Variants in ACSF3 observed in about 807,000 individuals in gnomAD.
ACSF3 encodes the protein malonate--CoA ligase ACSF3, mitochondrial.
Under a neutral mutation model 53.2 loss-of-function variants are expected in ACSF3, and 78 were observed. The observed-to-expected ratio is 1.47, with a 90% CI of 1.22 to 1.77. ACSF3 has a LOEUF of 1.77. Among genes scored for constraint, ACSF3 ranks in the 40% most tolerant of loss-of-function variants. ACSF3 has a pLI of 0.00. For synonymous variants in ACSF3, 414 were observed against 333.1 expected (o/e 1.24, Z -2.65); for missense variants, 937 against 771.1 (o/e 1.22, Z -2.55).
chr16:89,155,942 T>A lies in ACSF3; in HGVS notation c.*1735T>A. The A allele has an allele frequency of 5.5e-6, 2 of 365,834 alleles. No homozygotes were observed. The highest frequency in any genetic ancestry group is 2.1e-5 in the South Asian group (1 of 47,322). The allele number at this position is 365,834 out of a possible 1,614,324, so 22.7% of individuals were successfully genotyped here. A position where few individuals can be genotyped will look rare whatever the true frequency, so the allele number is the denominator to read the frequency against. On this transcript the variant is annotated 3_prime_UTR_variant, in exon 11 of 11. Coordinates refer to ENST00000614302, the MANE Select transcript of ACSF3 (RefSeq NM_001243279.3). ...AGCCTGGAGCTCATTGACCAGAAAC[T>A]GCAGAGAGCCTGGAGCTCGTTGACC...
rs1255311760 is a variant in ACSF3, at chr16:89,100,778, C to T, written c.97C>T (p.His33Tyr). 3.1e-6 allele frequency: 5 copies of T among 1,610,718 alleles called. No homozygotes were observed. The Admixed American group carries it at 6.7e-5, about 21-fold the overall frequency. ...GAGACACAGAGGAAGTGGTCTTCTG[C>T]ACACAGCCCCAGTGGCCCGCTCGGA... ...PARHRGSGLL[H>Y]TAPVARSDRS... The change falls in exon 3 of 11, where the codon CAC (histidine) becomes TAC (tyrosine). Residue 33 changes from histidine (H) to tyrosine (Y), a missense_variant. Transcript: ENST00000614302.
In ACSF3 at chr16:89,112,226, A is replaced by G. The variant is rs1165098721; in HGVS notation, c.957A>G (p.Ala319=). ...TQPHAQDFLR[A]VCEEKIRLMV... is the part of the protein sequence containing the mutation. ...CGCACGCCCAGGATTTCTTGCGTGC[A>G]GTTTGTGAAGAAAAAATTAGGTAAG... Residue 319 remains alanine (A), a synonymous_variant, in exon 5 of 11, where the codon GCA becomes GCG. Coordinates refer to ENST00000614302, the MANE Select transcript of ACSF3 (RefSeq NM_001243279.3). 1.6e-5 allele frequency: 26 copies of G among 1,614,222 alleles called. No individual in the cohort carries two copies. The highest frequency in any genetic ancestry group is 2.2e-5 in the East Asian group (1 of 44,886).
chr16:89,132,897 C>T lies in ACSF3; in HGVS notation c.1240-239C>T, dbSNP rs549351637. Reference sequence around the variant, plus strand: ...TGTTCTGGGAGGAATGAAAGGACACCCAGCTCCCGGCCAGGGCACCAGGGC... The same window carrying T: ...TGTTCTGGGAGGAATGAAAGGACACTCAGCTCCCGGCCAGGGCACCAGGGC... On this transcript the variant is annotated intron_variant, in intron 7 of 10. Coordinates refer to ENST00000614302, the MANE Select transcript of ACSF3 (RefSeq NM_001243279.3). Among the ~76,000 whole-genome samples, 679 of 152,348 alleles carry T rather than the reference C, an allele frequency of 4.5e-3. 15 individuals are homozygous for T. The highest frequency in any genetic ancestry group is 1.7e-3 in the Non-Finnish European group (119 of 68,032).
At chr16:89,139,162 A>C (rs550406530) in intron 8 of ACSF3, among the ~76,000 whole-genome samples, 6 of 152,198 alleles carry the variant, frequency 3.9e-5, no homozygotes, top group Admixed American at 3.9e-4. Flanking sequence ...GGAGACACTG[A>C]GGTTTTTCCT....
intron 1 of ACSF3, among the ~76,000 whole-genome samples, chr16:89,094,263 G>C (rs1038974531): frequency 2.6e-5 from 4 of 152,162 alleles, no homozygotes; most frequent in Non-Finnish European, 4.4e-5. Context: ...CGTCGAGCCG[G>C]CGGGGTCCGT....
intron 10 of ACSF3, among the ~76,000 whole-genome samples, chr16:89,146,963 C>T (rs1447684750): frequency 6.6e-6 from 1 of 152,098 alleles, no homozygotes; most frequent in Non-Finnish European, 1.5e-5. Context: ...TTAGTTTCAC[C>T]TACAGTAATT....
chr16:89,137,630 C>T (rs1455045688), intron 8 of ACSF3, among the ~76,000 whole-genome samples: 1 of 149,850 alleles, frequency 6.7e-6, no homozygotes, highest in African/African-American at 2.4e-5. Context: ...GGGAGGACCA[C>T]CAGGAGCTCA....
chr16:89,102,428 G>T lies in ACSF3; in HGVS notation c.667-176G>T, dbSNP rs377690227. ...AAGTGAGTGACCCAGCAGATCTGCT[G>T]TGGTTTTGTCGTCATCTTGAGAGGC... On this transcript the variant is annotated intron_variant, in intron 3 of 10. Transcript: ENST00000614302. 1,148 of 710,420 alleles carry T rather than the reference G, an allele frequency of 1.6e-3. 15 individuals are homozygous for T. In the South Asian group the frequency reaches 0.018, roughly 11 times the overall value. 44.0% of individuals were successfully genotyped at this position (710,420 alleles called of 1,614,324 possible). A position where few individuals can be genotyped will look rare whatever the true frequency, so the allele number is the denominator to read the frequency against.
chr16:89,155,309 A>C lies in ACSF3; in HGVS notation c.*1102A>C. The C allele has an allele frequency of 2.2e-6, 1 of 453,652 alleles. No homozygotes were observed. Among genetic ancestry groups the C allele is most frequent in the Non-Finnish European group, 4.4e-6 (1 of 226,330 alleles). The allele number at this position is 453,652 out of a possible 1,614,324, so 28.1% of individuals were successfully genotyped here. A position where few individuals can be genotyped will look rare whatever the true frequency, so the allele number is the denominator to read the frequency against. ...GGAATGCACGTCTGAAAGAGTGGCC[A>C]GAAACGAGTGTGCCGGGCAGGAGGC... On this transcript the variant is annotated 3_prime_UTR_variant, in exon 11 of 11. Transcript: ENST00000614302.
chr16:89,102,851 G>A, intron 4 of ACSF3, 92 bp downstream of exon 4: 2 of 1,547,030 alleles, frequency 1.3e-6, no homozygotes, highest in Non-Finnish European at 1.8e-6. Context: ...CTCAGCCTAA[G>A]CGCCTTTCGC....
chr16:89,154,008 C>T, intron 10 of ACSF3, 82 bp from the exon 11 acceptor site: 2 of 1,433,702 alleles, frequency 1.4e-6, no homozygotes, highest in Non-Finnish European at 1.9e-6. Context: ...CCAGGGGCAC[C>T]TGTCCGTACT....
Position 89,145,981 on chromosome 16 carries a change from G to T in ACSF3, c.1545G>T (p.Arg515=). The T allele has an allele frequency of 6.2e-7, 1 of 1,614,100 alleles. No homozygotes were observed. Among genetic ancestry groups the T allele is most frequent in the Non-Finnish European group, 8.5e-7 (1 of 1,179,986 alleles). Residue 515 remains arginine, a synonymous_variant, in exon 10 of 11, where the codon CGG becomes CGT. Transcript: ENST00000614302. Reference sequence around the variant, plus strand: ...TTCCGGATATGACATGGGGCCAGCGGGTCACTGCTGTGGTGACCCTCCGAG... The same window carrying T: ...TTCCGGATATGACATGGGGCCAGCGTGTCACTGCTGTGGTGACCCTCCGAG... ...IGVPDMTWGQ[R]VTAVVTLREG...
intron 10 of ACSF3, 38 bp from the exon 11 acceptor site, chr16:89,154,052 T>C: frequency 6.3e-7 from 1 of 1,593,492 alleles, no homozygotes; most frequent in Non-Finnish European, 8.6e-7. Flanking sequence ...CTGGGCACTG[T>C]CAGGGCAGTG....
In ACSF3 at chr16:89,101,357, GC is replaced by G; in HGVS notation, c.666+12del. On this transcript the variant is annotated intron_variant, in intron 3 of 10. Transcript: ENST00000614302. The stretch of plus-strand genomic sequence containing the variant: ...AAACATCAGGGCTGTGGTGAGTGCC[GC>G]CTGGCGCCGTGATGGTTTCGGTGAC... 1 of 1,569,652 alleles carries G rather than the reference GC, an allele frequency of 6.4e-7. No individual in the cohort carries two copies. The highest frequency in any genetic ancestry group is 8.6e-7 in the Non-Finnish European group (1 of 1,158,152).
At chr16:89,130,496 C>G (rs1362179754) in intron 7 of ACSF3, among the ~76,000 whole-genome samples, 1 of 152,166 alleles carries the variant, frequency 6.6e-6, no homozygotes. Flanking sequence ...ATTGTTTTAA[C>G]CTGGGAGGTG....
rs531823925 is a variant in ACSF3, at chr16:89,154,101, C to G, written c.1625C>G (p.Ala542Gly). 2 of 1,612,762 alleles carry G rather than the reference C, an allele frequency of 1.2e-6. No individual in the cohort carries two copies. Among genetic ancestry groups the G allele is most frequent in the South Asian group, 1.1e-5 (1 of 90,682 alleles). The change falls in exon 11 of 11, where the codon GCC (alanine) becomes GGC (glycine). Residue 542 changes from alanine to glycine, a missense_variant. Physicochemically the swap from Ala to Gly is moderately conservative, Grantham distance 60. Coordinates refer to ENST00000614302, the MANE Select transcript of ACSF3 (RefSeq NM_001243279.3). ...GCTTGTCTCTGCAGAAATGTCCTGG[C>G]CCCGTACGCGGTGCCCTCGGAGCTG... Reference protein sequence around the residue: ...ELKEWARNVLAPYAVPSELVL... With the variant: ...ELKEWARNVLGPYAVPSELVL...
At chr16:89,145,046 G>A in intron 8 of ACSF3, 4 of 1,280,890 alleles carry the variant, frequency 3.1e-6, no homozygotes, top group Non-Finnish European at 3.3e-6. Flanking sequence ...CACATCATGG[G>A]CACAGTCCCA....
intron 10 of ACSF3, chr16:89,152,117 A>T (rs1914161411): frequency 6.6e-6 from 1 of 152,262 alleles, no homozygotes; most frequent in Non-Finnish European, 1.5e-5. Flanking sequence ...TGTGACCAGG[A>T]AGGGGCGCCT....
Position 89,102,728 on chromosome 16 carries a change from G to T in ACSF3, c.791G>T (p.Cys264Phe). The T allele has an allele frequency of 6.2e-7, 1 of 1,612,852 alleles. No homozygotes were observed. The highest frequency in any genetic ancestry group is 8.5e-7 in the Non-Finnish European group (1 of 1,179,972). ...LLCPLWVGAT[C>F]VMMPEFSPQQ... ...TGTCCTCTCTGGGTGGGAGCCACCT[G>T]TGTGATGATGCCTGAGTTCAGCCCT... The change falls in exon 4 of 11, where the codon TGT (cysteine) becomes TTT (phenylalanine). Residue 264 changes from cysteine to phenylalanine, a missense_variant. Physicochemically the swap from Cys to Phe is radical, Grantham distance 205. Transcript: ENST00000614302.
Sources: gnomAD v4.1 joint callset for allele counts (sites outside exome capture counted in the v4.1 genomes callset) on GRCh38, gnomAD v4.1.1 for gene constraint, MANE v1.5 for transcripts, NCBI Gene and HGNC (gene_info 2026-07-23, HGNC 2026-07-21) for gene names.